The following PCDHA9 variants were observed in gnomAD, a reference collection of about 807,000 sequenced individuals.
PCDHA9 encodes protocadherin alpha-9.
PCDHA9 carries 62 observed loss-of-function variants against 62.0 expected under a neutral mutation model. The ratio of observed to expected loss-of-function variants is 1.00; its 90% CI spans 0.81 to 1.23. PCDHA9 has a LOEUF of 1.23. PCDHA9 is among the 50% of genes most tolerant of loss of function. The pLI, the probability that PCDHA9 is intolerant of heterozygous loss-of-function variation, is 0.00. For synonymous variants in PCDHA9, 557 were observed against 567.6 expected, an observed-to-expected ratio of 0.98 and a Z score of 0.27; for missense variants, 1,205 against 1,249.8, an observed-to-expected ratio of 0.96 and a Z score of 0.54.
chr5:140,902,421 A>G (rs1187358402), intron 1 of PCDHA9, among the ~76,000 whole-genome samples: 4 of 152,076 alleles, frequency 2.6e-5, no homozygotes, highest in Non-Finnish European at 5.9e-5. Context: ...AACAGTGGTG[A>G]AAGTGGGCAT....
intron 1 of PCDHA9, chr5:140,884,210 C>G: frequency 6.2e-7 from 1 of 1,613,532 alleles, no homozygotes; most frequent in South Asian, 1.1e-5. Context: ...CCACCGCCTT[C>G]TGGTGCTGGT....
At chr5:140,894,652 A>G (rs578187402) in intron 1 of PCDHA9, among the ~76,000 whole-genome samples, 234 of 151,944 alleles carry the variant, frequency 1.5e-3, no homozygotes, top group African/African-American at 4.9e-3. Flanking sequence ...GAGTCTCTCT[A>G]ATTCTGATTT....
chr5:140,865,798 C>T (rs1467476362), intron 1 of PCDHA9: 1 of 152,146 alleles, frequency 6.6e-6, no homozygotes, highest in East Asian at 1.9e-4. Context: ...AGGCTTCAGA[C>T]TCATTCTTTT....
intron 3 of PCDHA9, among the ~76,000 whole-genome samples, chr5:140,984,610 G>A (rs2097110934): frequency 6.6e-6 from 1 of 152,188 alleles, no homozygotes; most frequent in African/African-American, 2.4e-5. Flanking sequence ...CTCTGCATCA[G>A]TGGTGTAAAG....
At chr5:140,856,044 A>G (rs782811970) in intron 1 of PCDHA9, 1 of 1,581,666 alleles carries the variant, frequency 6.3e-7, no homozygotes, top group South Asian at 1.1e-5. Context: ...CAAGAGAAGG[A>G]TAAGATGGTT....
intron 1 of PCDHA9, among the ~76,000 whole-genome samples, chr5:140,961,327 AGAGACCAAGAGTG>A (rs1375426442): frequency 6.6e-6 from 1 of 152,206 alleles, no homozygotes. Context: ...CTGTTTCTTG[AGAGACCAAGAGTG>A]GATCCCTGTA....
intron 1 of PCDHA9, among the ~76,000 whole-genome samples, chr5:140,912,273 A>G (rs551128589): frequency 1.3e-5 from 2 of 151,890 alleles, no homozygotes; most frequent in South Asian, 4.2e-4. Flanking sequence ...TCACAGATAT[A>G]CCCAGGAACA....
chr5:140,904,584 A>T (rs1434719463), intron 1 of PCDHA9, among the ~76,000 whole-genome samples: 1 of 152,088 alleles, frequency 6.6e-6, no homozygotes, highest in African/African-American at 2.4e-5. Context: ...GACACCCAGT[A>T]GTGGGACTGC....
At chr5:140,953,398 C>G (rs1247752047) in intron 1 of PCDHA9, among the ~76,000 whole-genome samples, 9 of 152,150 alleles carry the variant, frequency 5.9e-5, no homozygotes, top group Non-Finnish European at 7.3e-5. Flanking sequence ...GATTACAGTG[C>G]TGTTGCTCCT....
intron 1 of PCDHA9, among the ~76,000 whole-genome samples, chr5:140,921,475 A>G (rs1323812887): frequency 6.6e-6 from 1 of 152,074 alleles, no homozygotes; most frequent in Non-Finnish European, 1.5e-5. Context: ...CTACCAAACC[A>G]CTCTACCTGA....
chr5:140,913,824 TC>T, intron 1 of PCDHA9, among the ~76,000 whole-genome samples: 1 of 152,216 alleles, frequency 6.6e-6, no homozygotes, highest in Middle Eastern at 3.2e-3. Context: ...CTTTTAAATT[TC>T]TTTATTGACC....
intron 1 of PCDHA9, chr5:140,869,076 C>G (rs367613564): frequency 6.3e-7 from 1 of 1,577,934 alleles, no homozygotes; most frequent in South Asian, 1.2e-5. Flanking sequence ...TGTAAAGAAG[C>G]TTATTTTGGA....
intron 1 of PCDHA9, among the ~76,000 whole-genome samples, chr5:140,905,229 G>A (rs2071688415): frequency 6.6e-6 from 1 of 152,156 alleles, no homozygotes; most frequent in African/African-American, 2.4e-5. Flanking sequence ...TGAGAGATGA[G>A]GATCCAGTTT....
chr5:140,856,495 T>G lies in PCDHA9; in HGVS notation c.2394+5606T>G, dbSNP rs1554148773. 5.0e-6 allele frequency: 8 copies of G among 1,598,330 alleles called. 1 individual carries two copies. Among genetic ancestry groups the G allele is most frequent in the African/African-American group, 2.7e-5 (2 of 74,276 alleles). ...TACCTGAATCCAGACTGCTTGACTC[T>G]CGATTTCCACTAGAAGGCGCATCTG... On this transcript the variant is annotated intron_variant, in intron 1 of 3. Transcript: ENST00000532602.
chr5:140,928,474 C>T, intron 1 of PCDHA9: 1 of 1,614,090 alleles, frequency 6.2e-7, no homozygotes, highest in Non-Finnish European at 8.5e-7. Flanking sequence ...AGTAGAAGGC[C>T]GGGATGGTGG....
intron 1 of PCDHA9, among the ~76,000 whole-genome samples, chr5:140,874,110 C>T (rs115562650): frequency 0.024 from 3,605 of 152,160 alleles, 51 homozygotes; most frequent in Middle Eastern, 0.034. Flanking sequence ...AATTACTTAA[C>T]GTTTTATAGT....
chr5:140,995,684 A>G (rs2097694657), intron 3 of PCDHA9, among the ~76,000 whole-genome samples: 1 of 152,144 alleles, frequency 6.6e-6, no homozygotes, highest in Non-Finnish European at 1.5e-5. Context: ...ATTTTTTTTA[A>G]TTGTTAAATA....
chr5:140,915,876 G>A (rs1373834228), intron 1 of PCDHA9, among the ~76,000 whole-genome samples: 1 of 152,136 alleles, frequency 6.6e-6, no homozygotes, highest in East Asian at 1.9e-4. Context: ...CTTCCCTTTA[G>A]GGTAGCAAGT....
At chr5:140,991,409 T>C (rs1554252146) in intron 3 of PCDHA9, among the ~76,000 whole-genome samples, 2 of 152,232 alleles carry the variant, frequency 1.3e-5, no homozygotes, top group Non-Finnish European at 1.5e-5. Flanking sequence ...TTTCCCATTA[T>C]GCTATAACAA....
Sources: allele counts gnomAD v4.1 joint callset (sites outside exome capture counted in the v4.1 genomes callset), GRCh38; gene constraint gnomAD v4.1.1; transcripts MANE v1.5; gene names NCBI Gene and HGNC (gene_info 2026-07-23, HGNC 2026-07-21).